ZNF236: variants seen among roughly 807,000 people sequenced by gnomAD.
ZNF236 encodes the protein regulated by glucose.
ZNF236 carries 50 observed loss-of-function variants against 191.2 expected under a neutral mutation model. The ratio of observed to expected loss-of-function variants is 0.26; its 90% CI spans 0.21 to 0.33. The LOEUF (loss-of-function observed/expected upper bound fraction) is 0.33, where lower values mean the gene tolerates loss of function less well. Among genes scored for constraint, ZNF236 ranks in the 10% least tolerant of loss-of-function variants. The pLI is 1.00. For missense variants in ZNF236, 1,754 were observed against 2,374.5 expected, an observed-to-expected ratio of 0.74 and a Z score of 5.43; for synonymous variants, 907 against 928.8, an observed-to-expected ratio of 0.98 and a Z score of 0.43.
chr18:76,948,720 A>G (rs1169677569), intron 27 of ZNF236, among the ~76,000 whole-genome samples: 1 of 152,234 alleles, frequency 6.6e-6, no homozygotes, highest in African/African-American at 2.4e-5. Context: ...TGGGAAGCTC[A>G]GCTAAGCTCT....
intron 25 of ZNF236, chr18:76,935,941 G>A (rs373430847): frequency 1.3e-5 from 6 of 455,984 alleles, no homozygotes; most frequent in African/African-American, 4.0e-5. Flanking sequence ...TTCAGCGCTC[G>A]AGCCTCCCAG....
chr18:76,920,559 A>AC (rs1483095253), intron 20 of ZNF236, among the ~76,000 whole-genome samples: 1 of 151,690 alleles, frequency 6.6e-6, no homozygotes, highest in Non-Finnish European at 1.5e-5. Flanking sequence ...CTCAAAAAAA[A>AC]AAAAAAGTCT....
chr18:76,876,248 C>G lies in ZNF236; in HGVS notation c.840+584C>G, dbSNP rs75836535. Among the ~76,000 whole-genome samples the G allele has an allele frequency of 1.4e-3, 210 of 152,246 alleles. 3 individuals are homozygous for G. The highest frequency in any genetic ancestry group is 6.8e-3 in the Middle Eastern group (2 of 294). On this transcript the variant is annotated intron_variant, in intron 6 of 30. Transcript: ENST00000320610. The stretch of plus-strand genomic sequence containing the variant: ...TCTGTAAAGCAGGTCAACCTTTGCT[C>G]TAACTAACCATCGTGACTTATTGAT...
intron 1 of ZNF236, among the ~76,000 whole-genome samples, chr18:76,846,763 A>G (rs1209918819): frequency 6.6e-6 from 1 of 152,076 alleles, no homozygotes; most frequent in Non-Finnish European, 1.5e-5. Context: ...TTTTTCTGGA[A>G]AATTCTTAAT....
At chr18:76,846,806 T>G (rs1454072661) in intron 1 of ZNF236, among the ~76,000 whole-genome samples, 2 of 152,162 alleles carry the variant, frequency 1.3e-5, no homozygotes, top group Non-Finnish European at 2.9e-5. Flanking sequence ...TTTCTTTTTT[T>G]TTTTTTGAGA....
chr18:76,913,782 G>A lies in ZNF236; in HGVS notation c.2945G>A (p.Ser982Asn). The change falls in exon 18 of 31, where the codon AGC (serine) becomes AAC (asparagine). Residue 982 changes from serine (S) to asparagine (N), a missense_variant. Physicochemically the swap from Ser to Asn is conservative, Grantham distance 46 (BLOSUM62 1). Around this residue, in one of 5 missense-constraint regions of ZNF236, gnomAD observed 641 missense variants for 869.6 expected, o/e 0.74. Coordinates refer to ENST00000320610, the MANE Select transcript of ZNF236 (RefSeq NM_001306089.2). Reference protein sequence around the residue: ...DYCNKGFKKSSHLKQHVRSHT... With the variant: ...DYCNKGFKKSNHLKQHVRSHT... ...TGCAACAAAGGCTTTAAGAAGTCCA[G>A]CCACCTGAAGCAGCATGTGCGGTCG... The A allele has an allele frequency of 6.2e-7, 1 of 1,614,198 alleles. No individual in the cohort carries two copies. The highest frequency in any genetic ancestry group is 8.5e-7 in the Non-Finnish European group (1 of 1,180,034).
intron 27 of ZNF236, among the ~76,000 whole-genome samples, chr18:76,952,668 C>A (rs1421292387): frequency 6.6e-6 from 1 of 152,164 alleles, no homozygotes; most frequent in African/African-American, 2.4e-5. Flanking sequence ...GGTGGCCAGG[C>A]ACAGTAGCTC....
rs1444819575 is a variant in ZNF236, at chr18:76,880,301, C to A, written c.1173C>A (p.Asn391Lys). The change falls in exon 8 of 31, where the codon AAC becomes AAA. Residue 391 changes from asparagine to lysine, a missense_variant. Coordinates refer to ENST00000320610, the MANE Select transcript of ZNF236 (RefSeq NM_001306089.2). This position sits in a 1 kb window ranked among gnomAD's most constrained non-coding sequence, Gnocchi z 5.0. ...AGCTGAGCATCACAGTGGGCATCAA[C>A]CAGGACATTTTACAGGTGAAGCACG... ...GQQLSITVGINQDILQQALEN... is the reference protein window; with the variant it reads ...GQQLSITVGIKQDILQQALEN... 3 of 1,612,470 alleles carry A rather than the reference C, an allele frequency of 1.9e-6. No individual in the cohort carries two copies. Among genetic ancestry groups the A allele is most frequent in the Admixed American group, 1.7e-5 (1 of 59,944 alleles).
chr18:76,888,189 G>A (rs1977116350), intron 9 of ZNF236, among the ~76,000 whole-genome samples: 1 of 152,162 alleles, frequency 6.6e-6, no homozygotes, highest in South Asian at 2.1e-4. Flanking sequence ...GGCTAAAATG[G>A]TGTAACCCCA....
Position 76,960,484 on chromosome 18 carries a change from G to A in ZNF236, c.5243-195G>A, listed in dbSNP as rs557003867. Among the ~76,000 whole-genome samples the A allele has an allele frequency of 9.3e-4, 142 of 152,228 alleles. No individual in the cohort carries two copies. The highest frequency in any genetic ancestry group is 3.3e-3 in the African/African-American group (137 of 41,540). ...CTCTGATCCCTCCGCCCCATCTGCTGGGGGTCGTTAGGACCTGGCCAGGCT... is the reference window on the plus strand; with the variant it reads ...CTCTGATCCCTCCGCCCCATCTGCTAGGGGTCGTTAGGACCTGGCCAGGCT... On this transcript the variant is annotated intron_variant, in intron 29 of 30. Coordinates refer to ENST00000320610, the MANE Select transcript of ZNF236 (RefSeq NM_001306089.2). The surrounding 1 kb of genome is among the most constrained non-coding windows in gnomAD (Gnocchi z 4.4).
rs1263832091 is a variant in ZNF236 at position 76,905,246 on chromosome 18, A to G, written c.2128A>G (p.Thr710Ala). Residue 710 changes from threonine to alanine, a missense_variant, in exon 13 of 31, where the codon ACA becomes GCA. By Grantham distance (58) the Thr-to-Ala change is moderately conservative. Coordinates refer to ENST00000320610, the MANE Select transcript of ZNF236 (RefSeq NM_001306089.2). ...GCTCAAAGCACACATCAGAACACAC[A>G]CAGGACTGAAATCTTTCAAGTGTCT... ...GVLKAHIRTH[T>A]GLKSFKCLIC... 6.2e-7 allele frequency: 1 copy of G among 1,614,144 alleles called. No homozygotes were observed. The highest frequency in any genetic ancestry group is 8.5e-7 in the Non-Finnish European group (1 of 1,180,050).
In ZNF236 at chr18:76,908,457, A is replaced by C. The variant is rs765000542; in HGVS notation, c.2435A>C (p.Glu812Ala). The C allele has an allele frequency of 3.1e-6, 5 of 1,614,176 alleles. No homozygotes were observed. Among genetic ancestry groups the C allele is most frequent in the Non-Finnish European group, 4.2e-6 (5 of 1,180,040 alleles). Residue 812 changes from glutamate to alanine, a missense_variant, in exon 14 of 31, where the codon GAG becomes GCG. Glu to Ala is a moderately radical substitution (Grantham distance 107). Transcript: ENST00000320610. ...IESDELPQTA[E>A]VVAANPEAML... The stretch of plus-strand genomic sequence containing the variant: ...AGCGACGAGCTGCCGCAGACGGCAG[A>C]GGTGGTCGCAGCGAACCCCGAGGCC...
chr18:76,949,899 C>A (rs1484244180), intron 27 of ZNF236, among the ~76,000 whole-genome samples: 1 of 152,028 alleles, frequency 6.6e-6, no homozygotes, highest in Non-Finnish European at 1.5e-5. Flanking sequence ...CTCAAGTGAT[C>A]GCCCACCTCA....
chr18:76,908,474 C>A lies in ZNF236; in HGVS notation c.2452C>A (p.Pro818Thr), dbSNP rs1036146487. The A allele has an allele frequency of 1.2e-6, 2 of 1,614,038 alleles. No homozygotes were observed. Reference protein sequence around the residue: ...PQTAEVVAANPEAMLDLEPQH... With the variant: ...PQTAEVVAANTEAMLDLEPQH... ...GACGGCAGAGGTGGTCGCAGCGAAC[C>A]CCGAGGCCATGCTGGACCTGGAGCC... Residue 818 changes from proline to threonine, a missense_variant, in exon 14 of 31, where the codon CCC becomes ACC. Around this residue, in one of 5 missense-constraint regions of ZNF236, gnomAD observed 641 missense variants for 869.6 expected, o/e 0.74. Transcript: ENST00000320610.
chr18:76,889,353 G>A (rs991530495), intron 9 of ZNF236, among the ~76,000 whole-genome samples: 2 of 152,082 alleles, frequency 1.3e-5, no homozygotes, highest in African/African-American at 4.8e-5. Flanking sequence ...GCTTGGTTAC[G>A]CCATACATGC....
chr18:76,972,680 CAT>C lies in ZNF236; in HGVS notation c.*4343_*4344del, dbSNP rs1018109896. On this transcript the variant is annotated 3_prime_UTR_variant, in exon 31 of 31. Coordinates refer to ENST00000320610, the MANE Select transcript of ZNF236 (RefSeq NM_001306089.2). The stretch of plus-strand genomic sequence containing the variant: ...TCATAATTGACAAATTCTCAAGTGA[CAT>C]AGGGATTTGTTCTTGATTCACCACT... Among the ~76,000 whole-genome samples the C allele has an allele frequency of 7.2e-5, 11 of 152,234 alleles. No individual in the cohort carries two copies. Among genetic ancestry groups the C allele is most frequent in the African/African-American group, 2.4e-4 (10 of 41,538 alleles).
rs549063589 is a variant in ZNF236, at chr18:76,940,566, T to C, written c.4782+3223T>C. 3.5e-4 allele frequency among the ~76,000 whole-genome samples: 54 copies of C among 152,334 alleles called. 1 individual carries two copies. Among genetic ancestry groups the C allele is most frequent in the Non-Finnish European group, 5.7e-4 (39 of 68,028 alleles). On this transcript the variant is annotated intron_variant, in intron 26 of 30. Transcript: ENST00000320610. ...AATTAGTTAAATGCCTTTGAATAAC[T>C]TTTGGAGTGTGGGATTGAGTTTGAT...
chr18:76,964,238 C>G (rs1968724023), intron 30 of ZNF236, among the ~76,000 whole-genome samples: 1 of 152,144 alleles, frequency 6.6e-6, no homozygotes, highest in Non-Finnish European at 1.5e-5. Flanking sequence ...TGCTGTATCC[C>G]AGAGGTTATG....
At chr18:76,834,639 C>G (rs978529410) in intron 1 of ZNF236, 3 of 449,612 alleles carry the variant, frequency 6.7e-6, no homozygotes, top group African/African-American at 4.0e-5. Context: ...TCCCGTTGCA[C>G]CCATTCAATG....
Sources: allele counts gnomAD v4.1 joint callset (sites outside exome capture counted in the v4.1 genomes callset), GRCh38; gene constraint gnomAD v4.1.1; regional missense constraint gnomAD v4.1.1; non-coding constraint Gnocchi (gnomAD v3.1); transcripts MANE v1.5; gene names NCBI Gene and HGNC (gene_info 2026-07-23, HGNC 2026-07-21).